Variants in BNIP2 observed in about 807,000 individuals in gnomAD.
The protein encoded by BNIP2 is BCL2/adenovirus E1B 19 kDa protein-interacting protein 2.
BNIP2 carries 36 observed loss-of-function variants against 43.4 expected under a neutral mutation model. The observed-to-expected ratio is 0.83, with a 90% CI of 0.64 to 1.10. The LOEUF is 1.10. BNIP2 is among the 50% of genes least tolerant of loss of function. BNIP2 has a pLI of 0.00. For synonymous variants in BNIP2, 146 were observed against 121.0 expected (o/e 1.21, Z -1.35); for missense variants, 417 against 374.1 (o/e 1.11, Z -0.95).
rs779656643 is a variant in BNIP2 at position 59,682,418 on chromosome 15, C to T, written c.40G>A (p.Asp14Asn). 1 of 1,612,116 alleles carries T rather than the reference C, an allele frequency of 6.2e-7. No homozygotes were observed. The highest frequency in any genetic ancestry group is 8.5e-7 in the Non-Finnish European group (1 of 1,179,214). The change falls in exon 2 of 10, where the codon GAT (aspartate) becomes AAT (asparagine). Residue 14 changes from aspartate to asparagine, a missense_variant. By Grantham distance (23) the Asp-to-Asn change is conservative. Coordinates refer to ENST00000607373, the MANE Select transcript of BNIP2 (RefSeq NM_004330.4). ...AAAAGCATTGCTCACATCGGAAAATCTTCATCTTGCCATTCTTCTTTAAGT... is the reference window on the plus strand; with the variant it reads ...AAAAGCATTGCTCACATCGGAAAATTTTCATCTTGCCATTCTTCTTTAAGT... ...VELKEEWQDE[D>N]FPIPLPEDDS...
chr15:59,680,227 T>G lies in BNIP2; in HGVS notation c.118+14A>C. 6.5e-7 allele frequency: 1 copy of G among 1,529,386 alleles called. No homozygotes were observed. Among genetic ancestry groups the G allele is most frequent in the Non-Finnish European group, 8.9e-7 (1 of 1,129,564 alleles). 94.7% of individuals were successfully genotyped at this position (1,529,386 alleles called of 1,614,324 possible). ...AGTCCATAATTTCAATGAAAGTAAG[T>G]GTCAAGCTCTTACCAGGCTGGTCCT... On this transcript the variant is annotated intron_variant, in intron 3 of 9. Transcript: ENST00000607373.
intron 5 of BNIP2, among the ~76,000 whole-genome samples, chr15:59,674,403 T>G (rs1893137099): frequency 6.6e-6 from 1 of 152,220 alleles, no homozygotes; most frequent in African/African-American, 2.4e-5. Flanking sequence ...AAAAAAGTGC[T>G]ATTTCTGAAA....
At chr15:59,674,173 A>G (rs1893121436) in intron 5 of BNIP2, among the ~76,000 whole-genome samples, 1 of 152,118 alleles carries the variant, frequency 6.6e-6, no homozygotes, top group South Asian at 2.1e-4. Flanking sequence ...ACAGCGCTAA[A>G]ATATGTATGT....
intron 6 of BNIP2, among the ~76,000 whole-genome samples, chr15:59,671,635 G>A (rs1169003048): frequency 6.6e-6 from 1 of 151,208 alleles, no homozygotes. Flanking sequence ...TTACCCCTGT[G>A]TATGTCTGAA....
intron 7 of BNIP2, among the ~76,000 whole-genome samples, chr15:59,669,803 A>T (rs1892790772): frequency 6.6e-6 from 1 of 152,190 alleles, no homozygotes; most frequent in African/African-American, 2.4e-5. Flanking sequence ...AACAAATCAG[A>T]TCTAACTCCT....
At chr15:59,685,430 G>A (rs1893950471) in intron 1 of BNIP2, among the ~76,000 whole-genome samples, 1 of 152,188 alleles carries the variant, frequency 6.6e-6, no homozygotes, top group African/African-American at 2.4e-5. Flanking sequence ...GAACCCCAGA[G>A]GTGAAGGTTG....
rs538256847 is a variant in BNIP2 at position 59,676,972 on chromosome 15, C to T, written c.472+939G>A. On this transcript the variant is annotated intron_variant, in intron 5 of 9. Coordinates refer to ENST00000607373, the MANE Select transcript of BNIP2 (RefSeq NM_004330.4). ...TCCTCTCTGCTGCCATCTTCATCAC[C>T]CTCTTAGGTCTGCTTGGTTATCTCC... 108 of 1,613,424 alleles carry T rather than the reference C, an allele frequency of 6.7e-5. 1 individual carries two copies. Among genetic ancestry groups the T allele is most frequent in the Admixed American group, 8.3e-5 (5 of 59,988 alleles).
rs768903148 is a variant in BNIP2, at chr15:59,689,282, C to G, written c.-205G>C. 3 of 1,545,528 alleles carry G rather than the reference C, an allele frequency of 1.9e-6. No homozygotes were observed. Among genetic ancestry groups the G allele is most frequent in the East Asian group, 2.5e-5 (1 of 40,800 alleles). On this transcript the variant is annotated 5_prime_UTR_variant, in exon 1 of 10. Coordinates refer to ENST00000607373, the MANE Select transcript of BNIP2 (RefSeq NM_004330.4). ...CCCCGGCCCAATCCCCCGGCCGCAG[C>G]GGTACGGCGTCGGCGGCAGCAGCTG... is the stretch of plus-strand genomic sequence containing the variant.
intron 5 of BNIP2, among the ~76,000 whole-genome samples, chr15:59,674,653 T>C (rs939053302): frequency 1.2e-4 from 18 of 152,112 alleles, no homozygotes; most frequent in Admixed American, 3.3e-4. Flanking sequence ...GAAATGACCC[T>C]GAAAAAAAAT....
chr15:59,669,373 A>T lies in BNIP2; in HGVS notation c.708-11T>A. On this transcript the variant is annotated splice_polypyrimidine_tract_variant and intron_variant, in intron 7 of 9. Coordinates refer to ENST00000607373, the MANE Select transcript of BNIP2 (RefSeq NM_004330.4). ...AGATTTTTCCGTAACCTGGAGTTTA[A>T]AAAAAAAACACACACACACAAAGAA... is the stretch of plus-strand genomic sequence containing the variant. 1 of 1,436,440 alleles carries T rather than the reference A, an allele frequency of 7.0e-7. No individual in the cohort carries two copies. Among genetic ancestry groups the T allele is most frequent in the Non-Finnish European group, 9.4e-7 (1 of 1,068,422 alleles). 89.0% of individuals were successfully genotyped at this position (1,436,440 alleles called of 1,614,324 possible). A position where few individuals can be genotyped will look rare whatever the true frequency, so the allele number is the denominator to read the frequency against.
chr15:59,665,974 G>A (rs1243099666), intron 9 of BNIP2, among the ~76,000 whole-genome samples: 3 of 83,418 alleles, frequency 3.6e-5, no homozygotes, highest in African/African-American at 1.7e-4. Context: ...AAAAAATTTG[G>A]AATGTATTTC....
chr15:59,678,226 G>T, intron 4 of BNIP2, 139 bp from the exon 5 acceptor site: 6 of 1,390,388 alleles, frequency 4.3e-6, no homozygotes, highest in Non-Finnish European at 5.6e-6. Context: ...CTTCCATAAA[G>T]GAGGAAAAGG....
At chr15:59,669,690 A>C (rs551625293) in intron 7 of BNIP2, among the ~76,000 whole-genome samples, 1 of 152,272 alleles carries the variant, frequency 6.6e-6, no homozygotes, top group South Asian at 2.1e-4. Context: ...AACTATTCTC[A>C]TTTTCCAAGA....
intron 9 of BNIP2, chr15:59,667,957 G>A (rs757305398): frequency 9.8e-6 from 4 of 407,856 alleles, no homozygotes; most frequent in South Asian, 2.7e-5. Context: ...GGAACTCTGG[G>A]TTCACCCTGT....
At chr15:59,669,501 A>G in intron 7 of BNIP2, 139 bp from the exon 8 acceptor site, 1 of 544,764 alleles carries the variant, frequency 1.8e-6, no homozygotes, top group Non-Finnish European at 3.2e-6. Flanking sequence ...CCCTGTAGAC[A>G]AGAAAATGCA....
chr15:59,669,286 G>C lies in BNIP2; in HGVS notation c.784C>G (p.Pro262Ala). 1 of 1,546,290 alleles carries C rather than the reference G, an allele frequency of 6.5e-7. No homozygotes were observed. The highest frequency in any genetic ancestry group is 8.7e-7 in the Non-Finnish European group (1 of 1,154,220). ...GCTCTCAAAAATTACCTAATAAATG[G>C]TCTTGTAACAGCCAGAAGTGTTCTG... ...FIRTLLAVTR[P>A]FISSKFSQKI... Residue 262 changes from proline to alanine, a missense_variant, in exon 8 of 10, where the codon CCA becomes GCA. Transcript: ENST00000607373.
chr15:59,674,523 T>A (rs1893145556), intron 5 of BNIP2, among the ~76,000 whole-genome samples: 1 of 152,224 alleles, frequency 6.6e-6, no homozygotes. Context: ...TTTCTTCATC[T>A]GAGTACGATT....
chr15:59,688,843 G>A (rs1002452037), intron 1 of BNIP2: 53 of 1,527,516 alleles, frequency 3.5e-5, no homozygotes, highest in Admixed American at 8.1e-5. Context: ...GGGGAGCGGA[G>A]GAGGGGCAAG....
At position 59,664,013 on chromosome 15, in the gene BNIP2, A is replaced by C. The variant is rs1892415594; in HGVS notation, c.*56T>G. ...GCCAATAAATGCATTATGAATGCAG[A>C]AACAGCACTGCTCCATCAGCACATT... On this transcript the variant is annotated 3_prime_UTR_variant, in exon 10 of 10. Transcript: ENST00000607373. 1 of 1,339,268 alleles carries C rather than the reference A, an allele frequency of 7.5e-7. No homozygotes were observed. Among genetic ancestry groups the C allele is most frequent in the African/African-American group, 1.5e-5 (1 of 66,792 alleles). 83.0% of individuals were successfully genotyped at this position (1,339,268 alleles called of 1,614,324 possible).
Sources: allele counts gnomAD v4.1 joint callset (sites outside exome capture counted in the v4.1 genomes callset), GRCh38; gene constraint gnomAD v4.1.1; transcripts MANE v1.5; gene names NCBI Gene and HGNC (gene_info 2026-07-23, HGNC 2026-07-21).